FAM135B: variants seen among roughly 807,000 people sequenced by gnomAD.
FAM135B encodes the protein protein FAM135B.
A neutral mutation model predicts 127.7 loss-of-function variants in FAM135B; 43 were observed. That is an observed-to-expected ratio of 0.34 (90% CI 0.26 to 0.43). The LOEUF is 0.43. Among genes scored for constraint, FAM135B ranks in the 20% least tolerant of loss-of-function variants. The pLI, the probability that FAM135B is intolerant of heterozygous loss-of-function variation, is 1.00. For missense variants in FAM135B, 1,558 were observed against 1,725.6 expected (o/e 0.90, Z 1.72); for synonymous variants, 670 against 665.1 (o/e 1.01, Z -0.11).
chr8:138,301,081 C>T (rs1446142233), intron 3 of FAM135B, among the ~76,000 whole-genome samples: 2 of 152,070 alleles, frequency 1.3e-5, no homozygotes, highest in East Asian at 3.9e-4. Context: ...CTTAGGAGAT[C>T]TGGGAGTCAG....
intron 2 of FAM135B, among the ~76,000 whole-genome samples, chr8:138,330,621 T>C (rs1828099210): frequency 6.6e-6 from 1 of 152,132 alleles, no homozygotes; most frequent in Admixed American, 6.5e-5. Context: ...AGATTATTAA[T>C]GAAGGAAGTC....
At chr8:138,205,882 C>G (rs894412597) in intron 7 of FAM135B, among the ~76,000 whole-genome samples, 3 of 151,886 alleles carry the variant, frequency 2.0e-5, no homozygotes, top group African/African-American at 7.3e-5. Flanking sequence ...ATTGAGAAAC[C>G]TGGTCAAGGT....
chr8:138,272,822 T>C (rs894271618), intron 3 of FAM135B, among the ~76,000 whole-genome samples: 1 of 152,220 alleles, frequency 6.6e-6, no homozygotes, highest in Admixed American at 6.5e-5. Context: ...CAGAGTCCAG[T>C]GTATGGCGTT....
In FAM135B at chr8:138,241,641, T is replaced by C. The variant is rs145311831; in HGVS notation, c.669+1301A>G. ...CACAGAGCCTGACTGTATAGGAGGA[T>C]AGAACACCTCTTTTGCGGGGCTGAC... On this transcript the variant is annotated intron_variant, in intron 7 of 19. Transcript: ENST00000395297. This position sits in a 1 kb window ranked among gnomAD's most constrained non-coding sequence, Gnocchi z 4.8. Among the ~76,000 whole-genome samples the C allele has an allele frequency of 1.2e-4, 19 of 152,292 alleles. No homozygotes were observed. The highest frequency in any genetic ancestry group is 3.4e-3 in the Middle Eastern group (1 of 294).
At chr8:138,420,439 C>T (rs1055980808) in intron 1 of FAM135B, among the ~76,000 whole-genome samples, 21 of 152,142 alleles carry the variant, frequency 1.4e-4, no homozygotes, top group African/African-American at 4.6e-4. Flanking sequence ...ACAGGTGACA[C>T]CAAAACTACT....
chr8:138,197,822 T>C (rs1305052626), intron 7 of FAM135B, among the ~76,000 whole-genome samples, 153 bp from the exon 8 acceptor site: 3 of 152,190 alleles, frequency 2.0e-5, no homozygotes, highest in Admixed American at 6.5e-5. Flanking sequence ...AACTGGAACA[T>C]GGTTGAAGAT....
chr8:138,320,905 A>G (rs1191214134), intron 2 of FAM135B, among the ~76,000 whole-genome samples: 2 of 152,250 alleles, frequency 1.3e-5, no homozygotes, highest in Non-Finnish European at 2.9e-5. Context: ...GAGGAGTAAT[A>G]TTCTATAATG....
intron 3 of FAM135B, among the ~76,000 whole-genome samples, chr8:138,305,505 T>C (rs1347009163): frequency 2.3e-3 from 1 of 428 alleles, no homozygotes; most frequent in African/African-American, 3.3e-3. Flanking sequence ...GACATGGACA[T>C]ACCAATTATT....
intron 7 of FAM135B, among the ~76,000 whole-genome samples, chr8:138,228,749 G>A (rs1314107793): frequency 2.0e-5 from 3 of 152,162 alleles, no homozygotes. Flanking sequence ...TTAGGAAAAG[G>A]AGGAAGACAG....
At chr8:138,236,245 C>A (rs2130280595) in intron 7 of FAM135B, among the ~76,000 whole-genome samples, 1 of 152,226 alleles carries the variant, frequency 6.6e-6, no homozygotes, top group South Asian at 2.1e-4. Context: ...AGTCTAGAGT[C>A]CCACTTCTGG....
chr8:138,309,013 C>T (rs896125933), intron 3 of FAM135B: 8 of 455,100 alleles, frequency 1.8e-5, no homozygotes, highest in African/African-American at 1.6e-4. Context: ...CTTGTTCTGA[C>T]ATATGTATAT....
rs1816320599 is a variant in FAM135B at position 138,132,881 on chromosome 8, A to G, written c.4016-83T>C. ...AGAACATCACTAGATGTGTGTCGAA[A>G]TTCTGTTCCTGGGCAGACCTGTTAT... On this transcript the variant is annotated intron_variant, in intron 19 of 19. Transcript: ENST00000395297. The surrounding 1 kb of genome is among the most constrained non-coding windows in gnomAD (Gnocchi z 4.5). 2 of 1,277,100 alleles carry G rather than the reference A, an allele frequency of 1.6e-6. No individual in the cohort carries two copies. Among genetic ancestry groups the G allele is most frequent in the Admixed American group, 1.7e-5 (1 of 58,828 alleles). The allele number at this position is 1,277,100 out of a possible 1,614,324, so 79.1% of individuals were successfully genotyped here.
chr8:138,391,278 C>T (rs922183233), intron 1 of FAM135B, among the ~76,000 whole-genome samples: 3 of 152,118 alleles, frequency 2.0e-5, no homozygotes, highest in African/African-American at 2.4e-5. Context: ...CAGTGGGGGG[C>T]GTTATTCCCA....
chr8:138,410,390 C>T (rs1833793144), intron 1 of FAM135B, among the ~76,000 whole-genome samples: 1 of 152,148 alleles, frequency 6.6e-6, no homozygotes, highest in South Asian at 2.1e-4. Context: ...ATCTCTCTTG[C>T]TTGGTCAGAT....
chr8:138,420,751 A>G (rs1834445111), intron 1 of FAM135B, among the ~76,000 whole-genome samples: 1 of 152,248 alleles, frequency 6.6e-6, no homozygotes, highest in Non-Finnish European at 1.5e-5. Flanking sequence ...ACACATGATC[A>G]TCTCAATAGG....
chr8:138,444,435 A>C (rs1364391788), intron 1 of FAM135B, among the ~76,000 whole-genome samples: 5 of 152,182 alleles, frequency 3.3e-5, no homozygotes, highest in African/African-American at 9.7e-5. Flanking sequence ...AAAGAACAGA[A>C]ATTATCACAA....
intron 2 of FAM135B, among the ~76,000 whole-genome samples, chr8:138,313,583 G>T (rs1826852998): frequency 6.7e-6 from 1 of 150,026 alleles, no homozygotes; most frequent in Non-Finnish European, 1.5e-5. Flanking sequence ...CGCCCAGGCT[G>T]GCATCAAACT....
At chr8:138,426,116 ATATG>A (rs1424315632) in intron 1 of FAM135B, among the ~76,000 whole-genome samples, 1 of 83,564 alleles carries the variant, frequency 1.2e-5, no homozygotes, top group Non-Finnish European at 2.5e-5. Flanking sequence ...ATATATACAC[ATATG>A]TGTGTGTGTG....
intron 3 of FAM135B, among the ~76,000 whole-genome samples, chr8:138,307,062 T>C (rs1826317272): frequency 6.6e-6 from 1 of 152,294 alleles, no homozygotes; most frequent in Middle Eastern, 3.4e-3. Context: ...ATCCCTCCTG[T>C]TTAACCTTGG....
Sources: gnomAD v4.1 joint callset for allele counts (sites outside exome capture counted in the v4.1 genomes callset) on GRCh38, gnomAD v4.1.1 for gene constraint, Gnocchi (gnomAD v3.1) non-coding constraint, MANE v1.5 for transcripts, NCBI Gene and HGNC (gene_info 2026-07-23, HGNC 2026-07-21) for gene names.